Variants in ST3GAL1 observed in about 807,000 individuals in gnomAD.
The protein encoded by ST3GAL1 is ST3 beta-galactoside alpha-2,3-sialyltransferase 1, also known as CMP-N-acetylneuraminate-beta-galactosamide-alpha-2,3-sialyltransferase 1.
In ST3GAL1, 16 loss-of-function variants were observed where a neutral mutation model predicts 34.1. That is an observed-to-expected ratio of 0.47 (90% CI 0.32 to 0.71). The LOEUF (loss-of-function observed/expected upper bound fraction) is 0.71. Among genes scored for constraint, ST3GAL1 ranks in the 30% least tolerant of loss-of-function variants. ST3GAL1 has a pLI of 0.04. For missense variants in ST3GAL1, 353 were observed against 447.4 expected, an observed-to-expected ratio of 0.79 and a Z score of 1.90; for synonymous variants, 191 against 184.7, an observed-to-expected ratio of 1.03 and a Z score of -0.28.
intron 2 of ST3GAL1, chr8:133,516,407 A>G (rs565411303): frequency 6.6e-6 from 1 of 152,286 alleles, no homozygotes; most frequent in African/African-American, 2.4e-5. Context: ...ACTTCTTTAT[A>G]AATTACTCAC....
chr8:133,565,827 A>G (rs1033081212), intron 1 of ST3GAL1, among the ~76,000 whole-genome samples: 6 of 151,162 alleles, frequency 4.0e-5, no homozygotes, highest in Non-Finnish European at 7.3e-5. Context: ...GGCCCGGAGC[A>G]GATGGGCCAG....
chr8:133,508,378 G>A lies in ST3GAL1; in HGVS notation c.-428-9189C>T, dbSNP rs1817405050. 6.6e-6 allele frequency among the ~76,000 whole-genome samples: 1 copy of A among 152,118 alleles called. No individual in the cohort carries two copies. The highest frequency in any genetic ancestry group is 1.9e-4 in the East Asian group (1 of 5,164). ...GCCTCATGGTACAGTTTGTGCTCTG[G>A]GGTTGGCCGTGGGATCAGGCTGAAG... On this transcript the variant is annotated intron_variant, in intron 2 of 9. Coordinates refer to ENST00000522652, the MANE Select transcript of ST3GAL1 (RefSeq NM_173344.3). This position sits in a 1 kb window ranked among gnomAD's most constrained non-coding sequence, Gnocchi z 4.1.
chr8:133,480,815 C>T (rs1816353318), intron 3 of ST3GAL1, among the ~76,000 whole-genome samples: 1 of 152,178 alleles, frequency 6.6e-6, no homozygotes, highest in South Asian at 2.1e-4. Flanking sequence ...TTTCTGATAA[C>T]TTCTTTGGAC....
In ST3GAL1 at chr8:133,546,875, G is replaced by A. The variant is rs556361097; in HGVS notation, c.-581-949C>T. On this transcript the variant is annotated intron_variant, in intron 1 of 9. Transcript: ENST00000522652. ...TTAGCCAGGTGTGGTGGCACATGGC[G>A]CATGCCTATAGTCCCAGAGACTCAG... is the stretch of plus-strand genomic sequence containing the variant. 1.2e-4 allele frequency among the ~76,000 whole-genome samples: 19 copies of A among 152,094 alleles called. No homozygotes were observed. In the South Asian group the frequency reaches 1.9e-3, roughly 15 times the overall value.
At chr8:133,507,662 G>C (rs1563719407) in intron 2 of ST3GAL1, among the ~76,000 whole-genome samples, 1 of 152,228 alleles carries the variant, frequency 6.6e-6, no homozygotes, top group East Asian at 1.9e-4. Context: ...CTCCAGGCCA[G>C]CCCAAAGGAC....
At position 133,464,771 on chromosome 8, in the gene ST3GAL1, G is replaced by C; in HGVS notation, c.683+7C>G. ...AGCAGCGAGGCGGGGCCACAGGAGG[G>C]ACTCACTGGGAAATGGTGCCCGTGG... On this transcript the variant is annotated splice_region_variant and intron_variant, in intron 7 of 9. Coordinates refer to ENST00000522652, the MANE Select transcript of ST3GAL1 (RefSeq NM_173344.3). 6.2e-7 allele frequency: 1 copy of C among 1,609,924 alleles called. No homozygotes were observed. Among genetic ancestry groups the C allele is most frequent in the South Asian group, 1.1e-5 (1 of 90,688 alleles).
At chr8:133,559,020 C>T (rs1026278943) in intron 1 of ST3GAL1, among the ~76,000 whole-genome samples, 2 of 137,020 alleles carry the variant, frequency 1.5e-5, no homozygotes, top group African/African-American at 2.9e-5. Flanking sequence ...GGTCCCAGGG[C>T]GATAGAGTGT....
intron 3 of ST3GAL1, among the ~76,000 whole-genome samples, chr8:133,486,426 C>G (rs776657855): frequency 3.3e-5 from 5 of 152,242 alleles, no homozygotes; most frequent in Non-Finnish European, 5.9e-5. Context: ...TGAGTCACCC[C>G]TGAAGCTGAC....
At chr8:133,523,707 G>C (rs28501166) in intron 2 of ST3GAL1, among the ~76,000 whole-genome samples, 4 of 152,166 alleles carry the variant, frequency 2.6e-5, no homozygotes, top group African/African-American at 7.2e-5. Flanking sequence ...ATTGACAAAT[G>C]TCTGTTGAGC....
Position 133,469,030 on chromosome 8 carries a change from G to C in ST3GAL1, c.307-2940C>G, listed in dbSNP as rs1280583593. On this transcript the variant is annotated intron_variant, in intron 5 of 9. Coordinates refer to ENST00000522652, the MANE Select transcript of ST3GAL1 (RefSeq NM_173344.3). This position sits in a 1 kb window ranked among gnomAD's most constrained non-coding sequence, Gnocchi z 4.3. ...GAGCCTGGCACCGTGTATCCATCAT[G>C]CAGTGACATTTACTGAGTGTCTACT... is the stretch of plus-strand genomic sequence containing the variant. Among the ~76,000 whole-genome samples, 12 of 152,174 alleles carry C rather than the reference G, an allele frequency of 7.9e-5. No individual in the cohort carries two copies.
At chr8:133,468,207 A>T (rs1586588476) in intron 5 of ST3GAL1, among the ~76,000 whole-genome samples, 1 of 152,210 alleles carries the variant, frequency 6.6e-6, no homozygotes, top group East Asian at 1.9e-4. Context: ...AAAAGGTGGG[A>T]GCAACCCAGT....
At chr8:133,490,364 C>A (rs985308009) in intron 3 of ST3GAL1, among the ~76,000 whole-genome samples, 1 of 152,194 alleles carries the variant, frequency 6.6e-6, no homozygotes, top group East Asian at 1.9e-4. Context: ...ACACAGCTGG[C>A]GGCATGCGTA....
At chr8:133,470,566 A>G (rs1198577167) in intron 5 of ST3GAL1, among the ~76,000 whole-genome samples, 2 of 152,174 alleles carry the variant, frequency 1.3e-5, no homozygotes, top group African/African-American at 2.4e-5. Context: ...GCGCTCAATC[A>G]ATGCCTGCCG....
intron 1 of ST3GAL1, among the ~76,000 whole-genome samples, chr8:133,562,786 TTTCTTTCTTTCC>T (rs1819267543): frequency 8.6e-6 from 1 of 116,536 alleles, no homozygotes; most frequent in African/African-American, 2.9e-5. Flanking sequence ...GGTTTCTTTC[TTTCTTTCTTTCC>T]TTCCTTCCTT....
chr8:133,502,397 G>A (rs866873486), intron 2 of ST3GAL1, among the ~76,000 whole-genome samples: 1 of 148,844 alleles, frequency 6.7e-6, no homozygotes, highest in South Asian at 2.2e-4. Context: ...TAATGGTGGG[G>A]CCCTAATCTG....
intron 5 of ST3GAL1, 42 bp downstream of exon 5, chr8:133,475,677 C>G (rs1047945582): frequency 2.0e-6 from 3 of 1,522,200 alleles, no homozygotes; most frequent in Non-Finnish European, 8.8e-7. Flanking sequence ...CAGTCCACAC[C>G]CCAACTCTCA....
chr8:133,530,489 G>T (rs1028954910), intron 2 of ST3GAL1, among the ~76,000 whole-genome samples: 7 of 152,208 alleles, frequency 4.6e-5, no homozygotes, highest in African/African-American at 1.7e-4. Flanking sequence ...AACCATGTTT[G>T]TCAGGCTGGT....
intron 3 of ST3GAL1, among the ~76,000 whole-genome samples, chr8:133,483,304 T>C (rs1020505945): frequency 6.6e-6 from 1 of 152,176 alleles, no homozygotes; most frequent in Non-Finnish European, 1.5e-5. Flanking sequence ...ATTGCACCAC[T>C]GCACTCCCGC....
rs1819046446 is a variant in ST3GAL1, at chr8:133,556,865, G to A, written c.-581-10939C>T. On this transcript the variant is annotated intron_variant, in intron 1 of 9. Coordinates refer to ENST00000522652, the MANE Select transcript of ST3GAL1 (RefSeq NM_173344.3). The surrounding 1 kb of genome is among the most constrained non-coding windows in gnomAD (Gnocchi z 8.9). ...GCCTCTTAGATGATAAAACTAAGTG[G>A]AGGGAAGTGGGAGGGAGGTTGGCAG... Among the ~76,000 whole-genome samples the A allele has an allele frequency of 6.6e-6, 1 of 152,178 alleles. No homozygotes were observed. The highest frequency in any genetic ancestry group is 1.5e-5 in the Non-Finnish European group (1 of 68,044).
Sources: allele counts gnomAD v4.1 joint callset (sites outside exome capture counted in the v4.1 genomes callset), GRCh38; gene constraint gnomAD v4.1.1; non-coding constraint Gnocchi (gnomAD v3.1); transcripts MANE v1.5; gene names NCBI Gene and HGNC (gene_info 2026-07-23, HGNC 2026-07-21).